The following RFC3 variants were observed in gnomAD, a reference collection of about 807,000 sequenced individuals.
The protein encoded by RFC3 is replication factor C subunit 3.
A neutral mutation model predicts 45.1 loss-of-function variants in RFC3; 41 were observed. The ratio of observed to expected loss-of-function variants is 0.91; its 90% CI spans 0.71 to 1.18. The LOEUF (loss-of-function observed/expected upper bound fraction) is 1.18. Among genes scored for constraint, RFC3 ranks in the 50% most tolerant of loss-of-function variants. RFC3 has a pLI of 0.00. For missense variants in RFC3, 423 were observed against 428.1 expected, an observed-to-expected ratio of 0.99 and a Z score of 0.10; for synonymous variants, 149 against 144.0, an observed-to-expected ratio of 1.03 and a Z score of -0.25.
intron 8 of RFC3, among the ~76,000 whole-genome samples, chr13:33,961,231 C>T (rs1004259768): frequency 3.3e-5 from 5 of 152,108 alleles, no homozygotes; most frequent in Non-Finnish European, 5.9e-5. Flanking sequence ...ATTTCTTCCA[C>T]GGCCACATTT....
intron 8 of RFC3, among the ~76,000 whole-genome samples, chr13:33,852,761 A>G (rs1205438389): frequency 6.6e-6 from 1 of 152,158 alleles, no homozygotes; most frequent in Non-Finnish European, 1.5e-5. Flanking sequence ...TTGGCTTTGA[A>G]CTTCTGTAGC....
At chr13:33,885,388 G>A (rs1413333676) in intron 8 of RFC3, among the ~76,000 whole-genome samples, 1 of 151,730 alleles carries the variant, frequency 6.6e-6, no homozygotes, top group Non-Finnish European at 1.5e-5. Flanking sequence ...TTTGTTACAT[G>A]CATATACTGC....
intron 8 of RFC3, among the ~76,000 whole-genome samples, chr13:33,904,489 AT>A (rs2082660279): frequency 6.6e-6 from 1 of 151,946 alleles, no homozygotes; most frequent in South Asian, 2.1e-4. Context: ...CCTTATCATC[AT>A]TCACTAGGCT....
the RFC3 span, among the ~76,000 whole-genome samples, chr13:33,976,469 A>T: frequency 6.6e-6 from 1 of 152,282 alleles, no homozygotes; most frequent in East Asian, 1.9e-4. Flanking sequence ...ACAAAAATAC[A>T]GTTAGATAGA....
chr13:33,892,963 C>A (rs1362652752), intron 8 of RFC3, among the ~76,000 whole-genome samples: 1 of 152,142 alleles, frequency 6.6e-6, no homozygotes, highest in African/African-American at 2.4e-5. Flanking sequence ...TCAAGGTGGA[C>A]AAGCAGGTTT....
chr13:33,883,358 C>T (rs1412248126), intron 8 of RFC3, among the ~76,000 whole-genome samples: 1 of 152,182 alleles, frequency 6.6e-6, no homozygotes, highest in African/African-American at 2.4e-5. Context: ...TCCCACTTCA[C>T]TGAAATAATG....
intron 8 of RFC3, among the ~76,000 whole-genome samples, chr13:33,962,595 T>C (rs9592163): frequency 0.015 from 2,327 of 152,282 alleles, 68 homozygotes; most frequent in African/African-American, 0.054. Context: ...CTGATGTGCA[T>C]TACAATATTA....
intron 8 of RFC3, among the ~76,000 whole-genome samples, chr13:33,882,907 T>G (rs2082494831): frequency 6.6e-6 from 1 of 152,230 alleles, no homozygotes; most frequent in African/African-American, 2.4e-5. Flanking sequence ...CCACCTTGCC[T>G]TTGAGATCCA....
At chr13:33,895,378 A>G (rs1294932473) in intron 8 of RFC3, among the ~76,000 whole-genome samples, 1 of 152,086 alleles carries the variant, frequency 6.6e-6, no homozygotes, top group African/African-American at 2.4e-5. Flanking sequence ...GCCAAAAAAC[A>G]TATAAAAATG....
chr13:33,826,594 A>C (rs1457894921), intron 4 of RFC3, among the ~76,000 whole-genome samples: 1 of 152,082 alleles, frequency 6.6e-6, no homozygotes, highest in Non-Finnish European at 1.5e-5. Context: ...TTTCAAAATA[A>C]ATTTACATTT....
intron 8 of RFC3, among the ~76,000 whole-genome samples, chr13:33,929,794 C>T (rs113583356): frequency 6.6e-6 from 1 of 151,942 alleles, no homozygotes; most frequent in Non-Finnish European, 1.5e-5. Context: ...TATAATTTGA[C>T]AATTGGATTA....
downstream of RFC3, among the ~76,000 whole-genome samples, chr13:33,970,002 G>T (rs774259664): frequency 6.6e-6 from 1 of 150,786 alleles, no homozygotes; most frequent in Non-Finnish European, 1.5e-5. Flanking sequence ...CATGTGCCAT[G>T]GTTGTTTGCT....
intron 8 of RFC3, among the ~76,000 whole-genome samples, chr13:33,931,277 G>A (rs985562212): frequency 2.0e-5 from 3 of 152,110 alleles, no homozygotes; most frequent in African/African-American, 7.2e-5. Flanking sequence ...ATGGTAGTTC[G>A]TTTCATCTAA....
At chr13:33,861,888 T>C (rs112611608) in intron 8 of RFC3, among the ~76,000 whole-genome samples, 125 of 152,292 alleles carry the variant, frequency 8.2e-4, no homozygotes, top group African/African-American at 2.9e-3. Context: ...ACCCTGAAAA[T>C]GTAAGAAATT....
At chr13:33,875,847 CT>C (rs2082442776) in intron 8 of RFC3, among the ~76,000 whole-genome samples, 1 of 152,130 alleles carries the variant, frequency 6.6e-6, no homozygotes, top group Non-Finnish European at 1.5e-5. Flanking sequence ...GGTTTGAGTC[CT>C]GCTTTTTGGC....
At chr13:33,850,582 A>G (rs2082270165) in intron 8 of RFC3, 1 of 152,156 alleles carries the variant, frequency 6.6e-6, no homozygotes, top group Non-Finnish European at 1.5e-5. Context: ...AATTGTCAGA[A>G]TAGCAAAACA....
At chr13:33,884,240 G>T (rs548774237) in intron 8 of RFC3, among the ~76,000 whole-genome samples, 1 of 152,160 alleles carries the variant, frequency 6.6e-6, no homozygotes, top group African/African-American at 2.4e-5. Flanking sequence ...CTTTAGATGC[G>T]TGCTATAGAG....
chr13:33,924,074 A>G (rs541626419), intron 8 of RFC3, among the ~76,000 whole-genome samples: 2 of 152,246 alleles, frequency 1.3e-5, no homozygotes, highest in Admixed American at 6.5e-5. Context: ...AATCAAATTA[A>G]AAAGAGACTA....
intron 8 of RFC3, among the ~76,000 whole-genome samples, chr13:33,950,052 CCTCT>C (rs946214935): frequency 7.8e-6 from 1 of 128,368 alleles, no homozygotes; most frequent in Admixed American, 8.8e-5. Flanking sequence ...TCTCTTTCTC[CCTCT>C]CTCTCTCTCT....
Sources: allele counts gnomAD v4.1 joint callset (sites outside exome capture counted in the v4.1 genomes callset), GRCh38; gene constraint gnomAD v4.1.1; transcripts MANE v1.5; gene names NCBI Gene and HGNC (gene_info 2026-07-23, HGNC 2026-07-21).